TMEM132D: variants seen among roughly 807,000 people sequenced by gnomAD.
TMEM132D encodes transmembrane protein 132D, also known as mature OL transmembrane protein.
A neutral mutation model predicts 62.3 loss-of-function variants in TMEM132D; 21 were observed. That is an observed-to-expected ratio of 0.34 (90% CI 0.24 to 0.49). TMEM132D has a LOEUF of 0.49. TMEM132D is among the 20% of genes least tolerant of loss of function. The pLI is 0.99. For synonymous variants in TMEM132D, 621 were observed against 575.6 expected, an observed-to-expected ratio of 1.08 and a Z score of -1.13; for missense variants, 1,346 against 1,402.8, an observed-to-expected ratio of 0.96 and a Z score of 0.65.
intron 3 of TMEM132D, among the ~76,000 whole-genome samples, chr12:129,464,665 G>A (rs1162220420): frequency 1.3e-5 from 2 of 152,110 alleles, no homozygotes; most frequent in Non-Finnish European, 1.5e-5. Flanking sequence ...GTAAGGAAGG[G>A]ATCCAGTTTC....
At chr12:129,826,010 T>G (rs1222527985) in intron 1 of TMEM132D, among the ~76,000 whole-genome samples, 1 of 152,184 alleles carries the variant, frequency 6.6e-6, no homozygotes, top group Non-Finnish European at 1.5e-5. Flanking sequence ...TGCAGTGAGC[T>G]GTGATTGCTT....
chr12:129,115,747 T>C (rs540755752), intron 5 of TMEM132D, among the ~76,000 whole-genome samples: 1 of 152,074 alleles, frequency 6.6e-6, no homozygotes, highest in Admixed American at 6.5e-5. Context: ...CTGTAAAGCA[T>C]ACGTCACAAA....
chr12:129,476,047 C>T (rs1056281715), intron 3 of TMEM132D, among the ~76,000 whole-genome samples: 8 of 152,170 alleles, frequency 5.3e-5, no homozygotes, highest in African/African-American at 1.2e-4. Context: ...AGTACCATGT[C>T]GGGAAGCAGG....
rs565176239 is a variant in TMEM132D at position 129,342,156 on chromosome 12, C to T, written c.1116-4339G>A. 5.5e-3 allele frequency among the ~76,000 whole-genome samples: 840 copies of T among 152,288 alleles called. 11 individuals are homozygous for T. Among genetic ancestry groups the T allele is most frequent in the African/African-American group, 0.018 (754 of 41,548 alleles). ...CAAAAGAACAAAGCTGGAGGCATCACGCTACCTGACTTCAAACTATACTAC... is the reference window on the plus strand; with the variant it reads ...CAAAAGAACAAAGCTGGAGGCATCATGCTACCTGACTTCAAACTATACTAC... On this transcript the variant is annotated intron_variant, in intron 3 of 8. Transcript: ENST00000422113.
intron 2 of TMEM132D, among the ~76,000 whole-genome samples, chr12:129,654,249 C>CTCTCTT (rs1239470510): frequency 6.7e-6 from 1 of 149,128 alleles, no homozygotes; most frequent in Admixed American, 6.8e-5. Flanking sequence ...GTCTCAGTCT[C>CTCTCTT]TCTCTTTCTC....
chr12:129,671,000 G>A (rs1427255758), intron 2 of TMEM132D, among the ~76,000 whole-genome samples: 1 of 152,110 alleles, frequency 6.6e-6, no homozygotes, highest in Admixed American at 6.6e-5. Context: ...GAATTTGCAA[G>A]CTTTTGTTAA....
chr12:129,420,338 C>T (rs7963933), intron 3 of TMEM132D, among the ~76,000 whole-genome samples: 96,461 of 131,926 alleles, frequency 0.73, 34,316 homozygotes, highest in East Asian at 0.78. Flanking sequence ...TTTGCAGTAT[C>T]TGGGCCACTG....
At chr12:129,768,172 T>C (rs1394850759) in intron 1 of TMEM132D, among the ~76,000 whole-genome samples, 1 of 152,204 alleles carries the variant, frequency 6.6e-6, no homozygotes, top group African/African-American at 2.4e-5. Flanking sequence ...AATACTGCTA[T>C]AAAATAAAGG....
At chr12:129,443,047 G>A (rs550884606) in intron 3 of TMEM132D, among the ~76,000 whole-genome samples, 1 of 152,196 alleles carries the variant, frequency 6.6e-6, no homozygotes, top group African/African-American at 2.4e-5. Context: ...TTGCTTCAGG[G>A]TGGGGCATCT....
intron 4 of TMEM132D, among the ~76,000 whole-genome samples, chr12:129,248,458 T>A (rs1215283637): frequency 1.3e-5 from 2 of 152,166 alleles, no homozygotes; most frequent in Non-Finnish European, 2.9e-5. Flanking sequence ...GCATGGAAAT[T>A]TCTGAAATTG....
intron 3 of TMEM132D, among the ~76,000 whole-genome samples, chr12:129,362,183 C>G (rs767360620): frequency 6.6e-6 from 1 of 152,182 alleles, no homozygotes; most frequent in Non-Finnish European, 1.5e-5. Context: ...GGTTCCCAAT[C>G]AAATCTTGTT....
chr12:129,486,078 A>T (rs2137056628), intron 3 of TMEM132D, among the ~76,000 whole-genome samples: 1 of 152,258 alleles, frequency 6.6e-6, no homozygotes, highest in Non-Finnish European at 1.5e-5. Flanking sequence ...AAGGTGGAAA[A>T]TGTAGAGGAA....
At chr12:129,461,905 C>T (rs1342969380) in intron 3 of TMEM132D, among the ~76,000 whole-genome samples, 1 of 152,170 alleles carries the variant, frequency 6.6e-6, no homozygotes, top group Non-Finnish European at 1.5e-5. Flanking sequence ...TAAGAAAGAA[C>T]AAGGAGACAT....
At chr12:129,298,387 C>G (rs568144631) in intron 4 of TMEM132D, among the ~76,000 whole-genome samples, 16 of 152,276 alleles carry the variant, frequency 1.1e-4, no homozygotes, top group Non-Finnish European at 2.2e-4. Flanking sequence ...TATTTTGATA[C>G]ATATATATGT....
At chr12:129,565,508 G>A (rs1877345123) in intron 2 of TMEM132D, among the ~76,000 whole-genome samples, 1 of 152,228 alleles carries the variant, frequency 6.6e-6, no homozygotes, top group South Asian at 2.1e-4. Flanking sequence ...TCATGAGGCA[G>A]GTGCAAGCCC....
intron 3 of TMEM132D, among the ~76,000 whole-genome samples, chr12:129,362,546 G>T (rs937521285): frequency 6.6e-6 from 1 of 151,330 alleles, no homozygotes; most frequent in Non-Finnish European, 1.5e-5. Context: ...AAACATATTC[G>T]CCTGGAAATG....
chr12:129,143,584 A>G (rs753509221), intron 5 of TMEM132D, among the ~76,000 whole-genome samples: 1 of 152,190 alleles, frequency 6.6e-6, no homozygotes, highest in African/African-American at 2.4e-5. Context: ...CCTGAAGCCT[A>G]ATATATCCAA....
chr12:129,821,410 G>C (rs1332736539), intron 1 of TMEM132D, among the ~76,000 whole-genome samples: 1 of 152,146 alleles, frequency 6.6e-6, no homozygotes, highest in Non-Finnish European at 1.5e-5. Context: ...AGGTGGCAAA[G>C]CTGTCAGATG....
intron 3 of TMEM132D, among the ~76,000 whole-genome samples, chr12:129,389,646 C>G (rs1403426666): frequency 4.6e-5 from 7 of 152,224 alleles, no homozygotes; most frequent in African/African-American, 1.7e-4. Context: ...TGACACCATG[C>G]CAGCACTAAT....
Sources: allele counts gnomAD v4.1 joint callset (sites outside exome capture counted in the v4.1 genomes callset), GRCh38; gene constraint gnomAD v4.1.1; transcripts MANE v1.5; gene names NCBI Gene and HGNC (gene_info 2026-07-23, HGNC 2026-07-21).